The following USP19 variants were observed in gnomAD, a reference collection of about 807,000 sequenced individuals.
USP19 encodes ubiquitin carboxyl-terminal hydrolase 19.
In USP19, 40 loss-of-function variants were observed where a neutral mutation model predicts 144.8. That is an observed-to-expected ratio of 0.28 (90% CI 0.21 to 0.36). The LOEUF is 0.36. USP19 is among the 10% of genes least tolerant of loss of function. The pLI is 1.00. For synonymous variants in USP19, 701 were observed against 709.3 expected, an observed-to-expected ratio of 0.99 and a Z score of 0.19; for missense variants, 1,518 against 1,822.5, an observed-to-expected ratio of 0.83 and a Z score of 3.04.
In USP19 at chr3:49,117,888, G is replaced by A. The variant is rs1575494380; in HGVS notation, c.299-58C>T. The A allele has an allele frequency of 6.2e-7, 1 of 1,613,138 alleles. No homozygotes were observed. Among genetic ancestry groups the A allele is most frequent in the Non-Finnish European group, 8.5e-7 (1 of 1,179,718 alleles). On this transcript the variant is annotated intron_variant, in intron 3 of 26. Transcript: ENST00000417901. The surrounding 1 kb of genome is among the most constrained non-coding windows in gnomAD (Gnocchi z 4.4). ...CCTAATGAAACTGCTTCAGATGGGA[G>A]CCAAATTGCAAGTGCCCCCTCCCCT...
chr3:49,109,328 G>A, intron 26 of USP19: 2 of 1,066,960 alleles, frequency 1.9e-6, no homozygotes, highest in Non-Finnish European at 2.6e-6. Context: ...AGGAAGGCAG[G>A]CAGCCAACCT....
At position 49,110,283 on chromosome 3, in the gene USP19, G is replaced by A. The variant is rs2042948062; in HGVS notation, c.3939C>T (p.Phe1313=). 3 of 1,607,910 alleles carry A rather than the reference G, an allele frequency of 1.9e-6. No individual in the cohort carries two copies. The highest frequency in any genetic ancestry group is 2.6e-6 in the Non-Finnish European group (3 of 1,176,084). Residue 1313 remains phenylalanine (F), a synonymous_variant, in exon 26 of 27, where the codon TTC becomes TTT. Coordinates refer to ENST00000417901, the MANE Select transcript of USP19 (RefSeq NM_001199161.2). This position sits in a 1 kb window ranked among gnomAD's most constrained non-coding sequence, Gnocchi z 6.1. ...CCACAGGAGAGTTCCGCCGGCGGTA[G>A]AAGAGTACATAGGCATAACGCGTCA... is the stretch of plus-strand genomic sequence containing the variant. ...QVVTRYAYVL[F]YRRRNSPVER...
chr3:49,110,221 G>T lies in USP19; in HGVS notation c.4001C>A (p.Pro1334Gln). The change falls in exon 26 of 27, where the codon CCA becomes CAA. Residue 1334 changes from proline to glutamine, a missense_variant. Around this residue, in one of 5 missense-constraint regions of USP19, gnomAD observed 118 missense variants for 100.2 expected, o/e 1.18. Coordinates refer to ENST00000417901, the MANE Select transcript of USP19 (RefSeq NM_001199161.2). This position sits in a 1 kb window ranked among gnomAD's most constrained non-coding sequence, Gnocchi z 6.1. ...PPRAGHSEHH[P>Q]DLGPAAEAAA... The stretch of plus-strand genomic sequence containing the variant: ...AGCCTCAGCTGCAGGGCCTAGGTCT[G>T]GGTGGTGCTCAGAGTGACCTGCCCT... 1.3e-6 allele frequency: 2 copies of T among 1,561,926 alleles called. No individual in the cohort carries two copies. Among genetic ancestry groups the T allele is most frequent in the Non-Finnish European group, 1.7e-6 (2 of 1,153,888 alleles).
rs2044173100 is a variant in USP19 at position 49,116,596 on chromosome 3, T to C, written c.1138A>G (p.Met380Val). The change falls in exon 8 of 27, where the codon ATG becomes GTG. Residue 380 changes from methionine (M) to valine (V), a missense_variant. Transcript: ENST00000417901. This position sits in a 1 kb window ranked among gnomAD's most constrained non-coding sequence, Gnocchi z 5.0. ...AATLVDEPES[M>V]VNLAFVKNDS... ...TTCTTGACAAACGCCAGGTTCACCATCGACTCGGGCTCTATATTGAGACCA... is the reference window on the plus strand; with the variant it reads ...TTCTTGACAAACGCCAGGTTCACCACCGACTCGGGCTCTATATTGAGACCA... The C allele has an allele frequency of 5.0e-6, 8 of 1,614,150 alleles. No individual in the cohort carries two copies. Among genetic ancestry groups the C allele is most frequent in the Non-Finnish European group, 6.8e-6 (8 of 1,180,022 alleles).
Position 49,111,686 on chromosome 3 carries a change from T to C in USP19, c.3031A>G (p.Ile1011Val), listed in dbSNP as rs2043173305. 6.2e-7 allele frequency: 1 copy of C among 1,600,480 alleles called. No individual in the cohort carries two copies. Among genetic ancestry groups the C allele is most frequent in the Non-Finnish European group, 8.5e-7 (1 of 1,172,422 alleles). Residue 1011 changes from isoleucine (I) to valine (V), a missense_variant, in exon 21 of 27, where the codon ATT (isoleucine) becomes GTT (valine). Ile to Val is a conservative substitution (Grantham distance 29). This residue lies in a region of USP19 where 413 missense variants were observed against 515.8 expected (regional missense o/e 0.80). Transcript: ENST00000417901. The surrounding 1 kb of genome is among the most constrained non-coding windows in gnomAD (Gnocchi z 5.9). ...LEAGDSERDPIQPPELQLVTP... is the reference protein window; with the variant it reads ...LEAGDSERDPVQPPELQLVTP... The stretch of plus-strand genomic sequence containing the variant: ...ACCAGCTGGAGCTCAGGTGGCTGAA[T>C]GGGGTCTCTCTCGCTGTCCCCAGCC...
Position 49,117,432 on chromosome 3 carries a change from C to T in USP19, c.606+5G>A, listed in dbSNP as rs1191021071. ...CCTACCCAACCCTGTACTACTAGAA[C>T]TCACCAGGAGGGAGGGCCACGTGAG... On this transcript the variant is annotated splice_donor_5th_base_variant and intron_variant, in intron 5 of 26. Coordinates refer to ENST00000417901, the MANE Select transcript of USP19 (RefSeq NM_001199161.2). This position sits in a 1 kb window ranked among gnomAD's most constrained non-coding sequence, Gnocchi z 4.4. The T allele has an allele frequency of 6.2e-7, 1 of 1,614,082 alleles. No homozygotes were observed. Among genetic ancestry groups the T allele is most frequent in the Admixed American group, 1.7e-5 (1 of 60,028 alleles).
chr3:49,110,904 C>G lies in USP19; in HGVS notation c.3546-41G>C. ...ATTGGGTCAGGACCAGCAAGTCTCT[C>G]TCTTCTCCATCCTGCCCCCTTATCT... On this transcript the variant is annotated intron_variant, in intron 23 of 26. Transcript: ENST00000417901. This position sits in a 1 kb window ranked among gnomAD's most constrained non-coding sequence, Gnocchi z 6.1. 6.2e-7 allele frequency: 1 copy of G among 1,613,752 alleles called. No individual in the cohort carries two copies. The highest frequency in any genetic ancestry group is 2.2e-5 in the East Asian group (1 of 44,880).
chr3:49,119,077 C>G lies in USP19; in HGVS notation c.69G>C (p.Lys23Asn), dbSNP rs1330048571. ...GGTTTGCTCGATCCTTCTGCTTCTT[C>G]TTACTAGTGGTGTCCTCCAGTCCTG... ...GPPGLEDTTS[K>N]KKQKDRANQE... The change falls in exon 2 of 27, where the codon AAG becomes AAC. Residue 23 changes from lysine to asparagine, a missense_variant. By Grantham distance (94) the Lys-to-Asn change is moderately conservative. Transcript: ENST00000417901. 1.2e-6 allele frequency: 2 copies of G among 1,614,084 alleles called. No individual in the cohort carries two copies. Among genetic ancestry groups the G allele is most frequent in the Admixed American group, 1.7e-5 (1 of 60,014 alleles).
chr3:49,120,697 C>T (rs1297250405), intron 1 of USP19, 59 bp downstream of exon 1: 1 of 188,930 alleles, frequency 5.3e-6, no homozygotes, highest in African/African-American at 2.4e-5. Context: ...CCGCCGCGGC[C>T]GCGCGTTGCG....
intron 1 of USP19, among the ~76,000 whole-genome samples, chr3:49,120,162 A>G (rs1054866976): frequency 6.6e-6 from 1 of 152,114 alleles, no homozygotes; most frequent in Non-Finnish European, 1.5e-5. Flanking sequence ...GCTGGGGAGG[A>G]CCACAGATCC....
chr3:49,108,926 G>A lies in USP19; in HGVS notation c.4039-398C>T, dbSNP rs2042712742. 3 of 1,587,482 alleles carry A rather than the reference G, an allele frequency of 1.9e-6. No homozygotes were observed. The highest frequency in any genetic ancestry group is 2.6e-6 in the Non-Finnish European group (3 of 1,165,128). Reference sequence around the variant, plus strand: ...AGGCATGGCCTGGGGCAGGCAGGTAGGCCAGCTCACAGCAGCTGCCTGCAG... The same window carrying A: ...AGGCATGGCCTGGGGCAGGCAGGTAAGCCAGCTCACAGCAGCTGCCTGCAG... On this transcript the variant is annotated intron_variant, in intron 26 of 26. Transcript: ENST00000417901. This position sits in a 1 kb window ranked among gnomAD's most constrained non-coding sequence, Gnocchi z 4.8.
Position 49,112,150 on chromosome 3 carries a change from G to T in USP19, c.2766-102C>A. 1.3e-6 allele frequency: 2 copies of T among 1,549,296 alleles called. No homozygotes were observed. Among genetic ancestry groups the T allele is most frequent in the Non-Finnish European group, 1.7e-6 (2 of 1,146,024 alleles). On this transcript the variant is annotated intron_variant, in intron 19 of 26. Coordinates refer to ENST00000417901, the MANE Select transcript of USP19 (RefSeq NM_001199161.2). The surrounding 1 kb of genome is among the most constrained non-coding windows in gnomAD (Gnocchi z 4.9). ...CCTGGGAACTGGGTACGCCAGCCCTGCCTCCCCCAGAGCCTGGTAAAGTAG... is the reference window on the plus strand; with the variant it reads ...CCTGGGAACTGGGTACGCCAGCCCTTCCTCCCCCAGAGCCTGGTAAAGTAG...
rs2043134207 is a variant in USP19 at position 49,111,442 on chromosome 3, C to A, written c.3217+58G>T. The A allele has an allele frequency of 6.2e-7, 1 of 1,613,062 alleles. No homozygotes were observed. The highest frequency in any genetic ancestry group is 8.5e-7 in the Non-Finnish European group (1 of 1,179,614). On this transcript the variant is annotated intron_variant, in intron 21 of 26. Transcript: ENST00000417901. This position sits in a 1 kb window ranked among gnomAD's most constrained non-coding sequence, Gnocchi z 5.9. ...GGCCCACCAGGCCCTAAACAACAGCCCCCTCCATCCTCCCTTATCCTCCTC... is the reference window on the plus strand; with the variant it reads ...GGCCCACCAGGCCCTAAACAACAGCACCCTCCATCCTCCCTTATCCTCCTC...
chr3:49,120,014 A>G (rs2044913353), intron 1 of USP19, among the ~76,000 whole-genome samples: 2 of 152,180 alleles, frequency 1.3e-5, no homozygotes, highest in African/African-American at 2.4e-5. Context: ...AACAGAAATT[A>G]TCACCTTCCT....
At position 49,114,355 on chromosome 3, in the gene USP19, C is replaced by A; in HGVS notation, c.2293-71G>T. The A allele has an allele frequency of 6.8e-7, 1 of 1,473,772 alleles. No homozygotes were observed. Among genetic ancestry groups the A allele is most frequent in the Non-Finnish European group, 9.4e-7 (1 of 1,067,396 alleles). The allele number at this position is 1,473,772 out of a possible 1,614,324, so 91.3% of individuals were successfully genotyped here. A position where few individuals can be genotyped will look rare whatever the true frequency, so the allele number is the denominator to read the frequency against. ...GATAAGATGCTCATGCTCAGAGAGC[C>A]CATTCCGGGGCTTCTGATGGCTCTC... On this transcript the variant is annotated intron_variant, in intron 15 of 26. Coordinates refer to ENST00000417901, the MANE Select transcript of USP19 (RefSeq NM_001199161.2). The surrounding 1 kb of genome is among the most constrained non-coding windows in gnomAD (Gnocchi z 4.5).
In USP19 at chr3:49,110,468, G is replaced by C; in HGVS notation, c.3835C>G (p.Arg1279Gly). Residue 1279 changes from arginine to glycine, a missense_variant, in exon 25 of 27, where the codon CGT becomes GGT. By Grantham distance (125) the Arg-to-Gly change is moderately radical. Around this residue, in one of 5 missense-constraint regions of USP19, gnomAD observed 122 missense variants for 200.4 expected, o/e 0.61. Coordinates refer to ENST00000417901, the MANE Select transcript of USP19 (RefSeq NM_001199161.2). The surrounding 1 kb of genome is among the most constrained non-coding windows in gnomAD (Gnocchi z 6.1). ...YTACARLPND[R>G]SSQRSDVGWR... ...CCCACGTCACTGCGCTGACTGCTACGATCATTGGGCAGGCGTGCACAGGCA... is the reference window on the plus strand; with the variant it reads ...CCCACGTCACTGCGCTGACTGCTACCATCATTGGGCAGGCGTGCACAGGCA... 1 of 1,614,154 alleles carries C rather than the reference G, an allele frequency of 6.2e-7. No homozygotes were observed. The highest frequency in any genetic ancestry group is 2.2e-5 in the East Asian group (1 of 44,890).
At chr3:49,113,269 TTTTTATTTTA>T (rs746854460) in intron 17 of USP19, among the ~76,000 whole-genome samples, 4 of 152,282 alleles carry the variant, frequency 2.6e-5, no homozygotes, top group East Asian at 3.9e-4. Flanking sequence ...TGTATGTCTA[TTTTTATTTTA>T]TTTTATTTTA....
At chr3:49,113,624 G>A (rs2043563063) in intron 17 of USP19, among the ~76,000 whole-genome samples, 1 of 151,594 alleles carries the variant, frequency 6.6e-6, no homozygotes. Context: ...TTGAGACAGA[G>A]TCTCACTCTG....
chr3:49,108,389 C>T lies in USP19; in HGVS notation c.*23G>A. ...TCTGTGTGGGTGTCCCAAACCCAGT[C>T]CCCCCCATCAGCCAGGGACCTGCTA... is the stretch of plus-strand genomic sequence containing the variant. On this transcript the variant is annotated 3_prime_UTR_variant, in exon 27 of 27. Transcript: ENST00000417901. The surrounding 1 kb of genome is among the most constrained non-coding windows in gnomAD (Gnocchi z 4.8). 9.7e-7 allele frequency: 1 copy of T among 1,026,378 alleles called. No individual in the cohort carries two copies. Among genetic ancestry groups the T allele is most frequent in the Non-Finnish European group, 1.4e-6 (1 of 732,166 alleles). 63.6% of individuals were successfully genotyped at this position (1,026,378 alleles called of 1,614,324 possible). A position where few individuals can be genotyped will look rare whatever the true frequency, so the allele number is the denominator to read the frequency against.
Sources: gnomAD v4.1 joint callset for allele counts (sites outside exome capture counted in the v4.1 genomes callset) on GRCh38, gnomAD v4.1.1 for gene constraint, gnomAD v4.1.1 regional missense constraint, Gnocchi (gnomAD v3.1) non-coding constraint, MANE v1.5 for transcripts, NCBI Gene and HGNC (gene_info 2026-07-23, HGNC 2026-07-21) for gene names.